PPP1R1A: variants seen among roughly 807,000 people sequenced by gnomAD.
The protein encoded by PPP1R1A is protein phosphatase 1 regulatory inhibitor subunit 1A.
A neutral mutation model predicts 23.9 loss-of-function variants in PPP1R1A; 18 were observed. That is an observed-to-expected ratio of 0.75 (90% CI 0.52 to 1.12). The LOEUF is 1.12. PPP1R1A is among the 50% of genes most tolerant of loss of function. The probability of loss-of-function intolerance (pLI) is 0.00; values close to 1 mark genes in which losing one functional copy is unlikely to be tolerated. For synonymous variants in PPP1R1A, 84 were observed against 80.7 expected, an observed-to-expected ratio of 1.04 and a Z score of -0.22; for missense variants, 207 against 223.8, an observed-to-expected ratio of 0.92 and a Z score of 0.48.
intron 1 of PPP1R1A, among the ~76,000 whole-genome samples, chr12:54,586,550 G>C (rs1221164855): frequency 2.0e-5 from 3 of 152,186 alleles, no homozygotes; most frequent in African/African-American, 7.2e-5. Flanking sequence ...GCCCTCCCAT[G>C]TTGGTCTGGG....
chr12:54,583,047 T>G (rs909784222), intron 3 of PPP1R1A, among the ~76,000 whole-genome samples, 164 bp downstream of exon 3: 1 of 152,062 alleles, frequency 6.6e-6, no homozygotes, highest in Non-Finnish European at 1.5e-5. Flanking sequence ...TGTGTGTGTG[T>G]GGGGTGCATG....
chr12:54,585,026 C>G (rs1403611848), intron 1 of PPP1R1A, among the ~76,000 whole-genome samples: 1 of 151,050 alleles, frequency 6.6e-6, no homozygotes, highest in African/African-American at 2.5e-5. Context: ...TGTTCTAACC[C>G]ACTCCCCAAG....
chr12:54,586,492 A>G (rs964139170), intron 1 of PPP1R1A, among the ~76,000 whole-genome samples: 2 of 151,766 alleles, frequency 1.3e-5, no homozygotes, highest in Non-Finnish European at 2.9e-5. Context: ...GCACCCCTCC[A>G]CCGCCTGCCA....
At chr12:54,583,084 G>C (rs191712993) in intron 3 of PPP1R1A, 127 bp downstream of exon 3, 3 of 987,744 alleles carry the variant, frequency 3.0e-6, no homozygotes, top group African/African-American at 1.7e-5. Context: ...TGCACATTTG[G>C]GGGGTAGAGG....
Position 54,581,962 on chromosome 12 carries a change from C to T in PPP1R1A, c.403+14G>A. On this transcript the variant is annotated intron_variant, in intron 5 of 6. Coordinates refer to ENST00000257905, the MANE Select transcript of PPP1R1A (RefSeq NM_006741.4). The surrounding 1 kb of genome is among the most constrained non-coding windows in gnomAD (Gnocchi z 4.1). ...GAAATAGGATGCCTGGGGCCCTCCCCAGCCTGAACATACTTTTTGCTGTCC... is the reference window on the plus strand; with the variant it reads ...GAAATAGGATGCCTGGGGCCCTCCCTAGCCTGAACATACTTTTTGCTGTCC... 6.2e-7 allele frequency: 1 copy of T among 1,603,098 alleles called. No individual in the cohort carries two copies. Among genetic ancestry groups the T allele is most frequent in the East Asian group, 2.2e-5 (1 of 44,542 alleles).
chr12:54,584,151 A>G (rs927145297), intron 2 of PPP1R1A, 109 bp downstream of exon 2: 3 of 1,130,450 alleles, frequency 2.7e-6, no homozygotes, highest in Non-Finnish European at 3.9e-6. Flanking sequence ...TACTGAGGAC[A>G]TCCCCGCCTT....
At chr12:54,586,581 T>C (rs1270477492) in intron 1 of PPP1R1A, among the ~76,000 whole-genome samples, 1 of 152,206 alleles carries the variant, frequency 6.6e-6, no homozygotes, top group Non-Finnish European at 1.5e-5. Context: ...CTGCCAAGCC[T>C]GGAGCTTTTT....
intron 6 of PPP1R1A, 24 bp downstream of exon 6, chr12:54,580,920 G>A: frequency 6.4e-7 from 1 of 1,567,182 alleles, no homozygotes. Context: ...CCTATGACCT[G>A]GCAGCCCAGC....
intron 3 of PPP1R1A, 93 bp from the exon 4 acceptor site, chr12:54,582,888 C>T (rs35146181): frequency 7.6e-7 from 1 of 1,311,290 alleles, no homozygotes; most frequent in Non-Finnish European, 1.1e-6. Context: ...CTCCAGCCCC[C>T]CTTGCCTTCC....
chr12:54,582,035 G>A lies in PPP1R1A; in HGVS notation c.344C>T (p.Pro115Leu). 6.2e-7 allele frequency: 1 copy of A among 1,613,786 alleles called. No homozygotes were observed. Among genetic ancestry groups the A allele is most frequent in the Non-Finnish European group, 8.5e-7 (1 of 1,179,786 alleles). Residue 115 changes from proline to leucine, a missense_variant, in exon 5 of 7, where the codon CCA (proline) becomes CTA (leucine). Pro to Leu is a moderately conservative substitution (Grantham distance 98, BLOSUM62 -3). Coordinates refer to ENST00000257905, the MANE Select transcript of PPP1R1A (RefSeq NM_006741.4). ...CACTTCTGTGTCTGGGATCCCAGGT[G>A]GGCGGGACTCCTGGGTTCCTGTGCT... ...AESTGTQESRPPGIPDTEVES... is the reference protein window; with the variant it reads ...AESTGTQESRLPGIPDTEVES...
At position 54,579,440 on chromosome 12, in the gene PPP1R1A, C is replaced by T. The variant is rs988369380; in HGVS notation, c.*947G>A. 30 of 985,234 alleles carry T rather than the reference C, an allele frequency of 3.0e-5. No homozygotes were observed. The highest frequency in any genetic ancestry group is 5.2e-5 in the African/African-American group (3 of 57,164). The allele number at this position is 985,234 out of a possible 1,614,324, so 61.0% of individuals were successfully genotyped here. Reference sequence around the variant, plus strand: ...GCTGCATGGCAGAAGTGGGACCTGACGCTTCTCAGGCTCTGCTCTTGCCTC... The same window carrying T: ...GCTGCATGGCAGAAGTGGGACCTGATGCTTCTCAGGCTCTGCTCTTGCCTC... On this transcript the variant is annotated 3_prime_UTR_variant, in exon 7 of 7. Transcript: ENST00000257905.
At chr12:54,583,133 C>T (rs370667426) in intron 3 of PPP1R1A, 78 bp downstream of exon 3, 160 of 1,428,676 alleles carry the variant, frequency 1.1e-4, no homozygotes, top group African/African-American at 5.8e-4. Context: ...TAGAGATGGG[C>T]GGCAGGGTTT....
intron 1 of PPP1R1A, among the ~76,000 whole-genome samples, chr12:54,585,543 C>T (rs1000269044): frequency 5.3e-5 from 8 of 152,164 alleles, no homozygotes; most frequent in Admixed American, 5.2e-4. Flanking sequence ...GGATGACCCT[C>T]TAGGTTAGCA....
chr12:54,586,841 CT>C (rs1448364169), intron 1 of PPP1R1A, among the ~76,000 whole-genome samples: 9 of 152,150 alleles, frequency 5.9e-5, no homozygotes, highest in African/African-American at 2.2e-4. Flanking sequence ...GTGTCGGGCC[CT>C]GTCTGTGCCA....
At chr12:54,585,034 AAGCAAGATGT>A (rs1957895501) in intron 1 of PPP1R1A, among the ~76,000 whole-genome samples, 2 of 150,516 alleles carry the variant, frequency 1.3e-5, no homozygotes, top group African/African-American at 5.0e-5. Context: ...CCCACTCCCC[AAGCAAGATGT>A]TAACATTTTG....
chr12:54,584,321 C>A lies in PPP1R1A; in HGVS notation c.85-1G>T. 6.3e-7 allele frequency: 1 copy of A among 1,598,258 alleles called. No individual in the cohort carries two copies. Among genetic ancestry groups the A allele is most frequent in the Non-Finnish European group, 8.5e-7 (1 of 1,172,624 alleles). Reference sequence around the variant, plus strand: ...CAGGGGTGGGGCGGCGCCTCCGAATCTGAGGGAAGGTGGGAAATGGGGAAG... The same window carrying A: ...CAGGGGTGGGGCGGCGCCTCCGAATATGAGGGAAGGTGGGAAATGGGGAAG... On this transcript the variant is annotated splice_acceptor_variant, in intron 1 of 6. Coordinates refer to ENST00000257905, the MANE Select transcript of PPP1R1A (RefSeq NM_006741.4). LOFTEE classifies it high-confidence loss of function.
At chr12:54,584,136 T>C in intron 2 of PPP1R1A, 124 bp downstream of exon 2, 1 of 1,009,152 alleles carries the variant, frequency 9.9e-7, no homozygotes, top group Non-Finnish European at 1.5e-6. Context: ...CCTTCCTGCC[T>C]TCAGTACTGA....
Position 54,582,133 on chromosome 12 carries a change from T to C in PPP1R1A, c.248-2A>G. On this transcript the variant is annotated splice_acceptor_variant, in intron 4 of 6. Coordinates refer to ENST00000257905, the MANE Select transcript of PPP1R1A (RefSeq NM_006741.4). LOFTEE classifies it high-confidence loss of function. The stretch of plus-strand genomic sequence containing the variant: ...GATGTTCAACCATCATCTGGAGCTC[T>C]GGGGACACAGAGAAAGGGAGGGAAC... 6.2e-7 allele frequency: 1 copy of C among 1,612,068 alleles called. No homozygotes were observed. Among genetic ancestry groups the C allele is most frequent in the Non-Finnish European group, 8.5e-7 (1 of 1,178,982 alleles).
chr12:54,580,924 GC>G lies in PPP1R1A; in HGVS notation c.510+19del. On this transcript the variant is annotated intron_variant, in intron 6 of 6. Transcript: ENST00000257905. ...TAGCCTCCTCTCCTATGACCTGGCAGCCCAGCCCTGGGGTCTTACCGAGTTG... is the reference window on the plus strand; with the variant it reads ...TAGCCTCCTCTCCTATGACCTGGCAGCCAGCCCTGGGGTCTTACCGAGTTG... 2 of 1,581,828 alleles carry G rather than the reference GC, an allele frequency of 1.3e-6. No individual in the cohort carries two copies. Among genetic ancestry groups the G allele is most frequent in the Non-Finnish European group, 1.7e-6 (2 of 1,150,432 alleles).
Sources: allele counts gnomAD v4.1 joint callset (sites outside exome capture counted in the v4.1 genomes callset), GRCh38; gene constraint gnomAD v4.1.1; non-coding constraint Gnocchi (gnomAD v3.1); transcripts MANE v1.5; gene names NCBI Gene and HGNC (gene_info 2026-07-23, HGNC 2026-07-21).